The following ZBTB16 variants were observed in gnomAD, a reference collection of about 807,000 sequenced individuals.
ZBTB16 encodes the protein zinc finger and BTB domain-containing protein 16.
A neutral mutation model predicts 56.8 loss-of-function variants in ZBTB16; 8 were observed. The ratio of observed to expected loss-of-function variants is 0.14; its 90% CI spans 0.08 to 0.25. The LOEUF (loss-of-function observed/expected upper bound fraction) is 0.25. Among genes scored for constraint, ZBTB16 ranks in the 10% least tolerant of loss-of-function variants. The pLI, the probability that ZBTB16 is intolerant of heterozygous loss-of-function variation, is 1.00. For synonymous variants in ZBTB16, 363 were observed against 368.5 expected (o/e 0.98, Z 0.17); for missense variants, 625 against 903.0 (o/e 0.69, Z 3.95).
chr11:114,075,032 T>C (rs1056315367), intron 2 of ZBTB16, among the ~76,000 whole-genome samples: 1 of 152,038 alleles, frequency 6.6e-6, no homozygotes, highest in Non-Finnish European at 1.5e-5. Flanking sequence ...TGTGGGGTGG[T>C]CAAGGGGAAG....
intron 4 of ZBTB16, among the ~76,000 whole-genome samples, chr11:114,236,293 A>T (rs551300734): frequency 6.5e-4 from 99 of 152,330 alleles, no homozygotes; most frequent in African/African-American, 2.4e-3. Flanking sequence ...CAGGTTAGTT[A>T]TGAATTCTCT....
At chr11:114,201,904 TAAG>T (rs958293748) in intron 4 of ZBTB16, among the ~76,000 whole-genome samples, 2 of 152,200 alleles carry the variant, frequency 1.3e-5, no homozygotes, top group Non-Finnish European at 2.9e-5. Context: ...ACTTTATAAA[TAAG>T]AAAAATATCA....
At chr11:114,243,144 A>G (rs74446020) in intron 5 of ZBTB16, among the ~76,000 whole-genome samples, 29 of 152,262 alleles carry the variant, frequency 1.9e-4, no homozygotes, top group East Asian at 9.6e-4. Context: ...TATTTTCTCT[A>G]TGACAAAACT....
At chr11:114,166,310 T>C (rs2134992763) in intron 3 of ZBTB16, among the ~76,000 whole-genome samples, 1 of 151,532 alleles carries the variant, frequency 6.6e-6, no homozygotes, top group Non-Finnish European at 1.5e-5. Flanking sequence ...GGGCATCTGT[T>C]CTGTGGAGCT....
At chr11:114,093,804 A>G (rs554531788) in intron 2 of ZBTB16, among the ~76,000 whole-genome samples, 2 of 152,304 alleles carry the variant, frequency 1.3e-5, no homozygotes, top group Admixed American at 6.5e-5. Flanking sequence ...CCTTTAACCT[A>G]TGTCCATTTT....
At chr11:114,161,775 T>C (rs1405163003) in intron 3 of ZBTB16, among the ~76,000 whole-genome samples, 1 of 152,124 alleles carries the variant, frequency 6.6e-6, no homozygotes, top group Non-Finnish European at 1.5e-5. Flanking sequence ...AGTAAGAGGG[T>C]GACATATTTT....
chr11:114,132,996 C>T (rs751857384), intron 2 of ZBTB16, among the ~76,000 whole-genome samples: 11 of 152,086 alleles, frequency 7.2e-5, no homozygotes, highest in African/African-American at 2.7e-4. Context: ...CTTGAGGTTT[C>T]GGCTTCTTGG....
Position 114,075,161 on chromosome 11 carries a change from T to C in ZBTB16, c.1268+10593T>C, listed in dbSNP as rs116927485. 2.0e-3 allele frequency among the ~76,000 whole-genome samples: 300 copies of C among 152,320 alleles called. 10 individuals carry two copies. In the East Asian group the frequency reaches 0.045, roughly 23 times the overall value. ...CAGCATCTAAATTTCCTGCGATTGT[T>C]GGCTGCAAAGTGGTAAGAAGCTGGA... On this transcript the variant is annotated intron_variant, in intron 2 of 6. Coordinates refer to ENST00000335953, the MANE Select transcript of ZBTB16 (RefSeq NM_006006.6).
At chr11:114,182,512 T>C (rs986835750) in intron 3 of ZBTB16, among the ~76,000 whole-genome samples, 6 of 152,150 alleles carry the variant, frequency 3.9e-5, no homozygotes, top group Admixed American at 2.6e-4. Context: ...TCTCGGCATA[T>C]AGCTACTGGA....
Position 114,247,215 on chromosome 11 carries a change from T to A in ZBTB16, c.1642T>A (p.Cys548Ser), listed in dbSNP as rs750437883. 6.2e-7 allele frequency: 1 copy of A among 1,614,072 alleles called. No individual in the cohort carries two copies. The highest frequency in any genetic ancestry group is 8.5e-7 in the Non-Finnish European group (1 of 1,179,994). ...CTCCACAGGCGACCACCCCTACGAG[T>A]GTGAGTTCTGTGGCAGCTGCTTCCG... is the stretch of plus-strand genomic sequence containing the variant. ...RSHTGDHPYECEFCGSCFRDE... is the reference protein window; with the variant it reads ...RSHTGDHPYESEFCGSCFRDE... The change falls in exon 6 of 7, where the codon TGT (cysteine) becomes AGT (serine). Residue 548 changes from cysteine to serine, a missense_variant. Physicochemically the swap from Cys to Ser is moderately radical, Grantham distance 112 (BLOSUM62 -1). This residue lies in a region of ZBTB16 where 140 missense variants were observed against 214.8 expected (regional missense o/e 0.65). Transcript: ENST00000335953.
intron 6 of ZBTB16, among the ~76,000 whole-genome samples, chr11:114,249,618 A>ACGC (rs1944880698): frequency 6.7e-5 from 9 of 135,278 alleles, no homozygotes; most frequent in Non-Finnish European, 1.4e-4. Context: ...ACAAAAAATT[A>ACGC]GCCGGGCGCG....
chr11:114,216,840 G>C (rs1944111529), intron 4 of ZBTB16, among the ~76,000 whole-genome samples: 1 of 152,222 alleles, frequency 6.6e-6, no homozygotes, highest in Admixed American at 6.5e-5. Context: ...ATAGAAAGAT[G>C]ACTAGACCCA....
intron 4 of ZBTB16, chr11:114,187,354 T>A: frequency 2.5e-6 from 1 of 401,664 alleles, no homozygotes; most frequent in East Asian, 4.5e-5. Context: ...TTAGTCTGTG[T>A]TGTTATCAAA....
chr11:114,225,114 A>T (rs1313099245), intron 4 of ZBTB16, among the ~76,000 whole-genome samples: 1 of 152,168 alleles, frequency 6.6e-6, no homozygotes, highest in Non-Finnish European at 1.5e-5. Flanking sequence ...GCCAGAAGTC[A>T]GTGGGGAGTT....
chr11:114,169,725 G>A (rs1158008581), intron 3 of ZBTB16, among the ~76,000 whole-genome samples: 2 of 152,194 alleles, frequency 1.3e-5, no homozygotes, highest in African/African-American at 2.4e-5. Flanking sequence ...CATTGTGACC[G>A]CAAGAGGAAA....
At chr11:114,142,045 C>T (rs778001122) in intron 2 of ZBTB16, among the ~76,000 whole-genome samples, 1 of 152,186 alleles carries the variant, frequency 6.6e-6, no homozygotes, top group Admixed American at 6.5e-5. Context: ...TTGGCTTGTG[C>T]TCAGGAAATG....
At chr11:114,246,509 C>A (rs767736539) in intron 5 of ZBTB16, among the ~76,000 whole-genome samples, 1 of 152,102 alleles carries the variant, frequency 6.6e-6, no homozygotes, top group South Asian at 2.1e-4. Flanking sequence ...CATTTTAATG[C>A]GAAAGTGGCA....
rs75999531 is a variant in ZBTB16 at position 114,200,149 on chromosome 11, GA to G, written c.1453+13121del. On this transcript the variant is annotated intron_variant, in intron 4 of 6. Transcript: ENST00000335953. Reference sequence around the variant, plus strand: ...TCTCAAAAAAAAAAAAAGAAAAAAAGAAAAAAAAAATCATACATGTGAAGCC... The same window carrying G: ...TCTCAAAAAAAAAAAAAGAAAAAAAGAAAAAAAAATCATACATGTGAAGCC... Among the ~76,000 whole-genome samples the G allele has an allele frequency of 7.8e-3, 1,156 of 148,512 alleles. 10 individuals carry two copies. Among genetic ancestry groups the G allele is most frequent in the African/African-American group, 0.025 (1,007 of 40,382 alleles).
In ZBTB16 at chr11:114,254,095, A is replaced by AC. The variant is rs397798164; in HGVS notation, c.*3540_*3541insC. On this transcript the variant is annotated 3_prime_UTR_variant, in exon 7 of 7. Transcript: ENST00000335953. ...ATGCATTTGGTGACATTTACACCTC[A>AC]TGTGCTCTTTCCCTATTCACTCCTT... 3.3e-5 allele frequency among the ~76,000 whole-genome samples: 5 copies of AC among 150,270 alleles called. No individual in the cohort carries two copies. The highest frequency in any genetic ancestry group is 9.8e-5 in the African/African-American group (4 of 40,900).
Sources: gnomAD v4.1 joint callset for allele counts (sites outside exome capture counted in the v4.1 genomes callset) on GRCh38, gnomAD v4.1.1 for gene constraint, gnomAD v4.1.1 regional missense constraint, MANE v1.5 for transcripts, NCBI Gene and HGNC (gene_info 2026-07-23, HGNC 2026-07-21) for gene names.